ATP9B: variants seen among roughly 807,000 people sequenced by gnomAD.
The protein encoded by ATP9B is ATPase phospholipid transporting 9B.
Under a neutral mutation model 146.1 loss-of-function variants are expected in ATP9B, and 110 were observed. That is an observed-to-expected ratio of 0.75 (90% CI 0.65 to 0.88). ATP9B has a LOEUF of 0.88. ATP9B is among the 40% of genes least tolerant of loss of function. The pLI is 0.00. For missense variants in ATP9B, 1,499 were observed against 1,496.4 expected (o/e 1.00, Z -0.03); for synonymous variants, 604 against 569.7 (o/e 1.06, Z -0.86).
At chr18:79,353,019 A>G (rs2096930680) in intron 25 of ATP9B, 1 of 152,272 alleles carries the variant, frequency 6.6e-6, no homozygotes, top group Non-Finnish European at 1.5e-5. Context: ...ATGGTCAGTA[A>G]GCACAAGAAA....
At chr18:79,102,567 G>A (rs560775007) in intron 2 of ATP9B, among the ~76,000 whole-genome samples, 1 of 152,202 alleles carries the variant, frequency 6.6e-6, no homozygotes, top group African/African-American at 2.4e-5. Flanking sequence ...CTTAACATGG[G>A]TAGGCTAATT....
At chr18:79,214,090 T>A in intron 11 of ATP9B, 52 bp downstream of exon 11, 1 of 1,353,978 alleles carries the variant, frequency 7.4e-7, no homozygotes, top group Non-Finnish European at 1.0e-6. Flanking sequence ...TTCCTTTCAG[T>A]AAGAAAGTCT....
intron 10 of ATP9B, chr18:79,209,747 C>T (rs1302446687): frequency 5.8e-6 from 5 of 869,526 alleles, no homozygotes; most frequent in South Asian, 5.3e-5. Flanking sequence ...AGTTTGTATT[C>T]GAACATCTTT....
intron 9 of ATP9B, among the ~76,000 whole-genome samples, chr18:79,196,903 C>A (rs954884965): frequency 4.6e-5 from 7 of 152,170 alleles, no homozygotes; most frequent in Admixed American, 4.6e-4. Flanking sequence ...GAAACTTTAA[C>A]ATCTACCTGC....
At chr18:79,295,469 G>T (rs947478468) in intron 13 of ATP9B, among the ~76,000 whole-genome samples, 2 of 152,124 alleles carry the variant, frequency 1.3e-5, no homozygotes, top group Non-Finnish European at 2.9e-5. Flanking sequence ...GTGAAAGGGG[G>T]TATTATGTCT....
intron 12 of ATP9B, among the ~76,000 whole-genome samples, chr18:79,265,936 G>A (rs1453194860): frequency 2.6e-5 from 4 of 152,084 alleles, no homozygotes; most frequent in South Asian, 2.1e-4. Context: ...GAAGGGGTCC[G>A]GTTTCTCTCT....
intron 13 of ATP9B, among the ~76,000 whole-genome samples, chr18:79,280,060 A>C (rs2096359761): frequency 1.3e-5 from 2 of 152,378 alleles, no homozygotes; most frequent in South Asian, 4.1e-4. Flanking sequence ...AACAAAAGCA[A>C]GCAACTGTCT....
At chr18:79,273,819 A>G (rs1200313674) in intron 12 of ATP9B, among the ~76,000 whole-genome samples, 5 of 152,208 alleles carry the variant, frequency 3.3e-5, no homozygotes, top group Non-Finnish European at 5.9e-5. Context: ...AACTTTTTGG[A>G]CAATAGGGAG....
At chr18:79,212,497 T>G (rs1049084865) in intron 10 of ATP9B, among the ~76,000 whole-genome samples, 1 of 152,206 alleles carries the variant, frequency 6.6e-6, no homozygotes, top group Non-Finnish European at 1.5e-5. Context: ...ATTTGCTCAT[T>G]CTGCTAATGT....
chr18:79,249,616 G>A (rs555816098), intron 11 of ATP9B, among the ~76,000 whole-genome samples: 2 of 152,200 alleles, frequency 1.3e-5, no homozygotes, highest in Non-Finnish European at 2.9e-5. Context: ...AGAAGGAAGA[G>A]ATCCACATCA....
chr18:79,325,573 ATGTT>A (rs1489117961), intron 15 of ATP9B, among the ~76,000 whole-genome samples: 1 of 152,202 alleles, frequency 6.6e-6, no homozygotes, highest in Non-Finnish European at 1.5e-5. Flanking sequence ...AGCCTAAAAA[ATGTT>A]TGGGAAGTCA....
intron 7 of ATP9B, among the ~76,000 whole-genome samples, chr18:79,168,540 G>A (rs1210268361): frequency 6.6e-6 from 1 of 152,058 alleles, no homozygotes; most frequent in African/African-American, 2.4e-5. Context: ...GGGAGACCTT[G>A]GGGTACTTTA....
At chr18:79,165,086 C>T (rs2094945050) in intron 7 of ATP9B, among the ~76,000 whole-genome samples, 1 of 152,200 alleles carries the variant, frequency 6.6e-6, no homozygotes, top group Non-Finnish European at 1.5e-5. Flanking sequence ...CAGTATATGA[C>T]ACTCATGACA....
At chr18:79,364,513 C>G (rs1056339995) in intron 26 of ATP9B, among the ~76,000 whole-genome samples, 67 of 152,212 alleles carry the variant, frequency 4.4e-4, no homozygotes, top group African/African-American at 1.5e-3. Context: ...GGACAATTCG[C>G]CGCCCATGAG....
At chr18:79,227,634 T>C (rs1244474530) in intron 11 of ATP9B, among the ~76,000 whole-genome samples, 1 of 152,248 alleles carries the variant, frequency 6.6e-6, no homozygotes, top group Non-Finnish European at 1.5e-5. Context: ...ATATGTTTAC[T>C]GATTTGAGCA....
intron 13 of ATP9B, among the ~76,000 whole-genome samples, chr18:79,300,232 G>A (rs955955507): frequency 6.6e-6 from 1 of 152,184 alleles, no homozygotes; most frequent in Admixed American, 6.5e-5. Context: ...TTGGGAGGTA[G>A]TTGAATCCAG....
chr18:79,096,709 T>G, intron 2 of ATP9B, 60 bp downstream of exon 2: 1 of 1,316,998 alleles, frequency 7.6e-7, no homozygotes, highest in Non-Finnish European at 1.0e-6. Context: ...AAGGTTAGCT[T>G]CTAATATACT....
At chr18:79,248,607 G>T (rs181449966) in intron 11 of ATP9B, among the ~76,000 whole-genome samples, 4 of 152,224 alleles carry the variant, frequency 2.6e-5, no homozygotes, top group Non-Finnish European at 5.9e-5. Context: ...AGTCAGCCAT[G>T]TACAAAGCTG....
intron 11 of ATP9B, among the ~76,000 whole-genome samples, chr18:79,248,630 A>G (rs8097332): frequency 0.36 from 55,127 of 152,110 alleles, 10,981 homozygotes; most frequent in African/African-American, 0.54. Flanking sequence ...CTTCTCTGCT[A>G]GTGCAGAGTA....
Sources: gnomAD v4.1 joint callset for allele counts (sites outside exome capture counted in the v4.1 genomes callset) on GRCh38, gnomAD v4.1.1 for gene constraint, MANE v1.5 for transcripts, NCBI Gene and HGNC (gene_info 2026-07-23, HGNC 2026-07-21) for gene names.